INPP5A: variants seen among roughly 807,000 people sequenced by gnomAD.
The protein encoded by INPP5A is inositol polyphosphate-5-phosphatase A.
Under a neutral mutation model 65.2 loss-of-function variants are expected in INPP5A, and 14 were observed. The ratio of observed to expected loss-of-function variants is 0.21; its 90% CI spans 0.14 to 0.34. The LOEUF (loss-of-function observed/expected upper bound fraction) is 0.34. INPP5A is among the 10% of genes least tolerant of loss of function. The pLI is 1.00. For missense variants in INPP5A, 431 were observed against 545.6 expected (o/e 0.79, Z 2.09); for synonymous variants, 207 against 208.3 (o/e 0.99, Z 0.05).
intron 8 of INPP5A, among the ~76,000 whole-genome samples, chr10:132,719,737 C>T (rs1362498579): frequency 7.5e-6 from 1 of 133,710 alleles, no homozygotes; most frequent in Non-Finnish European, 1.6e-5. Flanking sequence ...CGGCTGTCTT[C>T]AGGGTTCTGT....
At position 132,762,590 on chromosome 10, in the gene INPP5A, A is replaced by AG. The variant is rs1208187748; in HGVS notation, c.904-3181dup. On this transcript the variant is annotated intron_variant, in intron 11 of 15. Coordinates refer to ENST00000368594, the MANE Select transcript of INPP5A (RefSeq NM_005539.5). The surrounding 1 kb of genome is among the most constrained non-coding windows in gnomAD (Gnocchi z 4.6). ...CCACCAGCAGGTCCCACAGAGAACC[A>AG]GGAGTAGCTGAGCTTCTGGAGCAGG... 3.3e-5 allele frequency among the ~76,000 whole-genome samples: 5 copies of AG among 152,224 alleles called. No homozygotes were observed. Among genetic ancestry groups the AG allele is most frequent in the Admixed American group, 3.3e-4 (5 of 15,284 alleles).
intron 11 of INPP5A, among the ~76,000 whole-genome samples, chr10:132,764,685 C>T (rs1286883381): frequency 4.4e-3 from 401 of 90,268 alleles, no homozygotes; most frequent in Middle Eastern, 0.012. Flanking sequence ...AGAAACACGG[C>T]CGGGTCAGTC....
At chr10:132,757,578 C>T (rs1365325300) in intron 11 of INPP5A, among the ~76,000 whole-genome samples, 5 of 152,254 alleles carry the variant, frequency 3.3e-5, no homozygotes, top group African/African-American at 7.2e-5. Flanking sequence ...GTTTCTCAGA[C>T]CGTATCCCCG....
chr10:132,779,795 C>T (rs563808048), intron 13 of INPP5A, among the ~76,000 whole-genome samples: 148 of 152,366 alleles, frequency 9.7e-4, no homozygotes, highest in African/African-American at 3.4e-3. Flanking sequence ...CGTCACCAAG[C>T]TCCGTTCTGC....
intron 11 of INPP5A, among the ~76,000 whole-genome samples, chr10:132,764,553 G>A (rs1846798160): frequency 6.8e-6 from 1 of 147,496 alleles, no homozygotes; most frequent in Non-Finnish European, 1.5e-5. Flanking sequence ...AGGGGTGGGA[G>A]GGTGTGCATG....
intron 8 of INPP5A, among the ~76,000 whole-genome samples, chr10:132,721,885 G>A (rs1485978938): frequency 6.6e-6 from 1 of 152,194 alleles, no homozygotes; most frequent in Non-Finnish European, 1.5e-5. Flanking sequence ...AGGGCTTGAG[G>A]CTTTATGGGG....
At chr10:132,778,092 C>G (rs1273108107) in intron 13 of INPP5A, among the ~76,000 whole-genome samples, 2 of 152,168 alleles carry the variant, frequency 1.3e-5, no homozygotes, top group Non-Finnish European at 2.9e-5. Flanking sequence ...TCATTGTATC[C>G]TTGGAAGTCA....
chr10:132,612,079 AG>A (rs1564934309), intron 2 of INPP5A, among the ~76,000 whole-genome samples: 1 of 140,140 alleles, frequency 7.1e-6, no homozygotes, highest in Non-Finnish European at 1.5e-5. Flanking sequence ...AGGCCCTGTC[AG>A]AGAGGGGAGA....
At chr10:132,694,910 A>G (rs1158960522) in intron 5 of INPP5A, among the ~76,000 whole-genome samples, 1 of 152,238 alleles carries the variant, frequency 6.6e-6, no homozygotes, top group East Asian at 1.9e-4. Flanking sequence ...CTGCTGAAAA[A>G]GAAAGCATCA....
intron 1 of INPP5A, among the ~76,000 whole-genome samples, chr10:132,582,563 A>T (rs888358065): frequency 1.3e-5 from 2 of 151,736 alleles, no homozygotes; most frequent in African/African-American, 4.8e-5. Flanking sequence ...GACTAAAGGC[A>T]TGCGCCACCA....
In INPP5A at chr10:132,651,565, G is replaced by A. The variant is rs1422210193; in HGVS notation, c.306+1060G>A. Among the ~76,000 whole-genome samples the A allele has an allele frequency of 6.6e-6, 1 of 152,098 alleles. No homozygotes were observed. Among genetic ancestry groups the A allele is most frequent in the Non-Finnish European group, 1.5e-5 (1 of 68,002 alleles). The stretch of plus-strand genomic sequence containing the variant: ...CCTGCATCCTTCTCCCCCATCTCTG[G>A]CCTTCTGTCCCCAGCATCAGCGCCC... On this transcript the variant is annotated intron_variant, in intron 4 of 15. Transcript: ENST00000368594. This position sits in a 1 kb window ranked among gnomAD's most constrained non-coding sequence, Gnocchi z 5.0.
rs181004115 is a variant in INPP5A, at chr10:132,540,135, C to T, written c.75+1964C>T. Among the ~76,000 whole-genome samples, 301 of 152,320 alleles carry T rather than the reference C, an allele frequency of 2.0e-3. 2 individuals are homozygous for T. Among genetic ancestry groups the T allele is most frequent in the South Asian group, 5.0e-3 (24 of 4,828 alleles). On this transcript the variant is annotated intron_variant, in intron 1 of 15. Coordinates refer to ENST00000368594, the MANE Select transcript of INPP5A (RefSeq NM_005539.5). ...GATCCGTTAGCTGCGGCTTCAAAGC[C>T]TCAGAAATGTCAGGAGCATTAAGCT...
At position 132,538,190 on chromosome 10, in the gene INPP5A, C is replaced by T; in HGVS notation, c.75+19C>T. Reference sequence around the variant, plus strand: ...CGACGACGTAAGTCCCCCGTGCCGGCGGCAGGCCCCAAGCCCGGAACCCCC... The same window carrying T: ...CGACGACGTAAGTCCCCCGTGCCGGTGGCAGGCCCCAAGCCCGGAACCCCC... On this transcript the variant is annotated intron_variant, in intron 1 of 15. Coordinates refer to ENST00000368594, the MANE Select transcript of INPP5A (RefSeq NM_005539.5). The surrounding 1 kb of genome is among the most constrained non-coding windows in gnomAD (Gnocchi z 4.1). 2.4e-6 allele frequency: 3 copies of T among 1,265,198 alleles called. No homozygotes were observed. The highest frequency in any genetic ancestry group is 2.7e-5 in the South Asian group (1 of 36,490). The allele number at this position is 1,265,198 out of a possible 1,614,324, so 78.4% of individuals were successfully genotyped here.
intron 4 of INPP5A, among the ~76,000 whole-genome samples, chr10:132,672,485 G>A (rs1057279070): frequency 6.6e-6 from 1 of 152,126 alleles, no homozygotes; most frequent in Non-Finnish European, 1.5e-5. Context: ...AGATCTGATG[G>A]TTTTACAAAG....
chr10:132,752,673 C>T (rs1475526634), intron 11 of INPP5A, among the ~76,000 whole-genome samples: 4 of 9,176 alleles, frequency 4.4e-4, no homozygotes, highest in Admixed American at 1.3e-3. Flanking sequence ...GGGCACGGGG[C>T]GTGGAGGGGG....
chr10:132,669,789 G>A (rs115879102), intron 4 of INPP5A, among the ~76,000 whole-genome samples: 2,797 of 152,106 alleles, frequency 0.018, 84 homozygotes, highest in African/African-American at 0.062. Flanking sequence ...TGGCGTGAGC[G>A]TGGACCTGGG....
Position 132,782,333 on chromosome 10 carries a change from TCA to T in INPP5A, c.*307_*308del, listed in dbSNP as rs1847179711. Reference sequence around the variant, plus strand: ...GCAAAGAGGGTCTGTACCGTAGACTTCACAGTTTTCAGTTTTTAATGATTGCC... The same window carrying T: ...GCAAAGAGGGTCTGTACCGTAGACTTCAGTTTTCAGTTTTTAATGATTGCC... On this transcript the variant is annotated 3_prime_UTR_variant, in exon 16 of 16. Transcript: ENST00000368594. This position sits in a 1 kb window ranked among gnomAD's most constrained non-coding sequence, Gnocchi z 4.4. The T allele has an allele frequency of 1.6e-4, 54 of 336,484 alleles. No individual in the cohort carries two copies. Among genetic ancestry groups the T allele is most frequent in the South Asian group, 1.2e-3 (52 of 42,122 alleles). 20.8% of individuals were successfully genotyped at this position (336,484 alleles called of 1,614,324 possible). A position where few individuals can be genotyped will look rare whatever the true frequency, so the allele number is the denominator to read the frequency against.
chr10:132,551,859 C>G lies in INPP5A; in HGVS notation c.75+13688C>G, dbSNP rs1235351326. On this transcript the variant is annotated intron_variant, in intron 1 of 15. Transcript: ENST00000368594. This position sits in a 1 kb window ranked among gnomAD's most constrained non-coding sequence, Gnocchi z 5.3. ...CTGAATAGTCGGCTGCACGATTAAA[C>G]TGGGTTCTGCTCGGGGAGTCCCTGG... is the stretch of plus-strand genomic sequence containing the variant. Among the ~76,000 whole-genome samples, 1 of 152,234 alleles carries G rather than the reference C, an allele frequency of 6.6e-6. No homozygotes were observed. Among genetic ancestry groups the G allele is most frequent in the Non-Finnish European group, 1.5e-5 (1 of 68,042 alleles).
Position 132,698,024 on chromosome 10 carries a change from C to G in INPP5A, c.474+105C>G. The G allele has an allele frequency of 1.4e-6, 1 of 738,788 alleles. No individual in the cohort carries two copies. The highest frequency in any genetic ancestry group is 1.7e-5 in the African/African-American group (1 of 57,798). The allele number at this position is 738,788 out of a possible 1,614,324, so 45.8% of individuals were successfully genotyped here. A position where few individuals can be genotyped will look rare whatever the true frequency, so the allele number is the denominator to read the frequency against. ...CGCATTGCACTGTTACTAGTCACAG[C>G]TGCCTGTTGTTACCTCCGATAATCT... is the stretch of plus-strand genomic sequence containing the variant. On this transcript the variant is annotated intron_variant, in intron 6 of 15. Coordinates refer to ENST00000368594, the MANE Select transcript of INPP5A (RefSeq NM_005539.5). This position sits in a 1 kb window ranked among gnomAD's most constrained non-coding sequence, Gnocchi z 5.5.
Sources: gnomAD v4.1 joint callset for allele counts (sites outside exome capture counted in the v4.1 genomes callset) on GRCh38, gnomAD v4.1.1 for gene constraint, Gnocchi (gnomAD v3.1) non-coding constraint, MANE v1.5 for transcripts, NCBI Gene and HGNC (gene_info 2026-07-23, HGNC 2026-07-21) for gene names.